Variants in RGS6 observed in about 807,000 individuals in gnomAD.
The protein encoded by RGS6 is regulator of G-protein signaling 6.
A neutral mutation model predicts 78.5 loss-of-function variants in RGS6; 30 were observed. The ratio of observed to expected loss-of-function variants is 0.38; its 90% confidence interval spans 0.29 to 0.52. The LOEUF (loss-of-function observed/expected upper bound fraction) is 0.52. RGS6 is among the 20% of genes least tolerant of loss of function. RGS6 has a pLI of 0.85. For missense variants in RGS6, 495 were observed against 609.7 expected (o/e 0.81, Z 1.98); for synonymous variants, 206 against 206.0 (o/e 1.00, Z 0.00).
At chr14:72,324,811 A>G (rs1441695886) in intron 2 of RGS6, among the ~76,000 whole-genome samples, 1 of 152,106 alleles carries the variant, frequency 6.6e-6, no homozygotes, top group Non-Finnish European at 1.5e-5. Context: ...TGCCGCAATA[A>G]ACATACGTGT....
At chr14:72,629,536 G>C in the RGS6 span, 1 of 1,293,260 alleles carries the variant, frequency 7.7e-7, no homozygotes, top group East Asian at 2.5e-5. Context: ...CAGGGGCCTA[G>C]TGACAAGAGT....
At chr14:72,067,731 G>A (rs185195088) in intron 2 of RGS6, among the ~76,000 whole-genome samples, 104 of 152,156 alleles carry the variant, frequency 6.8e-4, no homozygotes, top group African/African-American at 1.2e-3. Context: ...TGAAGTTTGC[G>A]CGTACAGCTA....
At chr14:72,410,687 T>A (rs533259431) in intron 3 of RGS6, among the ~76,000 whole-genome samples, 2 of 152,310 alleles carry the variant, frequency 1.3e-5, no homozygotes, top group East Asian at 3.9e-4. Flanking sequence ...TCTTGTAGGG[T>A]TTTTATGGTT....
At chr14:72,184,411 CAGAA>C (rs1244170106) in intron 2 of RGS6, among the ~76,000 whole-genome samples, 1 of 146,932 alleles carries the variant, frequency 6.8e-6, no homozygotes, top group African/African-American at 2.5e-5. Context: ...CACACACACA[CAGAA>C]AGAGGGAGAG....
At chr14:72,550,453 A>G (rs2097488612) in intron 17 of RGS6, 2 of 1,535,412 alleles carry the variant, frequency 1.3e-6, no homozygotes, top group Non-Finnish European at 1.7e-6. Context: ...CGTGCCTAAC[A>G]GGAAAAGACA....
intron 2 of RGS6, among the ~76,000 whole-genome samples, chr14:72,105,286 T>C (rs1032473927): frequency 1.3e-5 from 2 of 152,214 alleles, no homozygotes; most frequent in Non-Finnish European, 2.9e-5. Flanking sequence ...CCAAGTAAAA[T>C]TTTATTTGTA....
intron 8 of RGS6, among the ~76,000 whole-genome samples, chr14:72,472,029 CA>C (rs1276184881): frequency 6.6e-6 from 1 of 152,014 alleles, no homozygotes; most frequent in African/African-American, 2.4e-5. Flanking sequence ...GTAATTATCA[CA>C]AAAATCGCAG....
intron 15 of RGS6, among the ~76,000 whole-genome samples, chr14:72,534,739 C>T (rs942926124): frequency 1.3e-5 from 2 of 152,226 alleles, no homozygotes; most frequent in East Asian, 1.9e-4. Context: ...AATGTGTCCC[C>T]CAGCTGATGG....
rs190212043 is a variant in RGS6, at chr14:72,249,791, G to A, written c.85-102304G>A. Reference sequence around the variant, plus strand: ...AAGTACTATAAAGACACATGCACACGTATGTTTATTGCGGCATTATTCACA... The same window carrying A: ...AAGTACTATAAAGACACATGCACACATATGTTTATTGCGGCATTATTCACA... On this transcript the variant is annotated intron_variant, in intron 2 of 17. Coordinates refer to ENST00000553525, the MANE Select transcript of RGS6 (RefSeq NM_001204424.2). 3.1e-4 allele frequency among the ~76,000 whole-genome samples: 47 copies of A among 152,078 alleles called. 1 individual carries two copies. The East Asian group carries it at 7.3e-3, about 24-fold the overall frequency.
At chr14:72,184,312 C>T (rs2153704201) in intron 2 of RGS6, among the ~76,000 whole-genome samples, 1 of 150,052 alleles carries the variant, frequency 6.7e-6, no homozygotes, top group Admixed American at 6.7e-5. Flanking sequence ...ATTAGTAAAA[C>T]AAAAGTACTG....
chr14:72,107,473 G>A (rs1297878528), intron 2 of RGS6, among the ~76,000 whole-genome samples: 2 of 151,948 alleles, frequency 1.3e-5, no homozygotes, highest in Non-Finnish European at 2.9e-5. Context: ...CCATTTCTCT[G>A]AGAATGCACC....
chr14:72,211,505 A>T (rs12887361), intron 2 of RGS6, among the ~76,000 whole-genome samples: 1,918 of 152,322 alleles, frequency 0.013, 17 homozygotes, highest in Non-Finnish European at 0.019. Flanking sequence ...CAGTGGCTGT[A>T]GGAGGATAGG....
At chr14:72,209,259 G>C (rs545075159) in intron 2 of RGS6, among the ~76,000 whole-genome samples, 2 of 152,070 alleles carry the variant, frequency 1.3e-5, no homozygotes, top group Non-Finnish European at 2.9e-5. Flanking sequence ...TAATATATGC[G>C]TACGTTTAGT....
chr14:72,356,085 G>A (rs1035789248), intron 3 of RGS6, among the ~76,000 whole-genome samples: 8 of 152,166 alleles, frequency 5.3e-5, no homozygotes, highest in Non-Finnish European at 8.8e-5. Flanking sequence ...GGATTGAGGG[G>A]TTAGGTGCCA....
At chr14:72,213,320 C>T (rs17109117) in intron 2 of RGS6, among the ~76,000 whole-genome samples, 4,582 of 152,176 alleles carry the variant, frequency 0.03, 154 homozygotes, top group African/African-American at 0.078. Context: ...AAAGAGGCCC[C>T]AAAGCCACAC....
At chr14:72,255,705 G>A (rs934956320) in intron 2 of RGS6, among the ~76,000 whole-genome samples, 1 of 152,098 alleles carries the variant, frequency 6.6e-6, no homozygotes, top group Admixed American at 6.5e-5. Context: ...GCTAAAAATT[G>A]CATACCTCTC....
At chr14:71,920,722 T>C in the RGS6 span, among the ~76,000 whole-genome samples, 1 of 152,270 alleles carries the variant, frequency 6.6e-6, no homozygotes, top group African/African-American at 2.4e-5. Flanking sequence ...ACTAACTGCC[T>C]GCTCATGTGT....
At chr14:72,125,739 A>G (rs974928304) in intron 2 of RGS6, among the ~76,000 whole-genome samples, 5 of 152,184 alleles carry the variant, frequency 3.3e-5, no homozygotes, top group African/African-American at 7.2e-5. Flanking sequence ...ATGGCTCTTC[A>G]TAGGATGTAT....
chr14:72,462,974 TAAAG>T (rs2095819127), intron 6 of RGS6, among the ~76,000 whole-genome samples: 1 of 152,220 alleles, frequency 6.6e-6, no homozygotes, highest in Admixed American at 6.5e-5. Context: ...AGGCAGAAAG[TAAAG>T]AAAGGGGTCA....
Sources: gnomAD v4.1 joint callset for allele counts (sites outside exome capture counted in the v4.1 genomes callset) on GRCh38, gnomAD v4.1.1 for gene constraint, MANE v1.5 for transcripts, NCBI Gene and HGNC (gene_info 2026-07-23, HGNC 2026-07-21) for gene names.